FAT3: variants seen among roughly 807,000 people sequenced by gnomAD.
FAT3 encodes the protein FAT atypical cadherin 3, also known as protocadherin Fat 3.
FAT3 carries 95 observed loss-of-function variants against 310.2 expected under a neutral mutation model. The ratio of observed to expected loss-of-function variants is 0.31; its 90% confidence interval spans 0.26 to 0.36. The LOEUF is 0.36. Ranked by LOEUF, FAT3 falls within the 10% of genes least tolerant of loss-of-function variation. FAT3 has a pLI of 1.00. For synonymous variants in FAT3, 2,314 were observed against 2,192.9 expected, an observed-to-expected ratio of 1.06 and a Z score of -1.54; for missense variants, 5,408 against 5,715.6, an observed-to-expected ratio of 0.95 and a Z score of 1.74.
intron 2 of FAT3, among the ~76,000 whole-genome samples, chr11:92,390,337 G>A (rs944741128): frequency 6.6e-6 from 1 of 152,082 alleles, no homozygotes; most frequent in African/African-American, 2.4e-5. Flanking sequence ...ACTGGGCCTG[G>A]GCTAACCCAC....
chr11:92,231,903 T>G (rs1280675053), intron 1 of FAT3, among the ~76,000 whole-genome samples: 1 of 152,170 alleles, frequency 6.6e-6, no homozygotes, highest in African/African-American at 2.4e-5. Flanking sequence ...AGCTTGGTCT[T>G]TTTTGAAACC....
intron 4 of FAT3, among the ~76,000 whole-genome samples, chr11:92,726,073 ATATAAG>A (rs1193434536): frequency 5.3e-5 from 8 of 152,192 alleles, no homozygotes; most frequent in African/African-American, 1.2e-4. Context: ...TTCACAAATA[ATATAAG>A]TATATTAAAT....
intron 2 of FAT3, among the ~76,000 whole-genome samples, chr11:92,415,849 C>CTTTTTTTTTTTTTTTTTTTTTT (rs1196695394): frequency 5.0e-4 from 35 of 70,400 alleles, no homozygotes; most frequent in Non-Finnish European, 7.0e-4. Flanking sequence ...AGCATTTTTG[C>CTTTTTTTTTTTTTTTTTTTTTT]TTTTTTTTTT....
intron 3 of FAT3, among the ~76,000 whole-genome samples, chr11:92,602,261 G>A (rs369324463): frequency 6.6e-6 from 1 of 151,722 alleles, no homozygotes; most frequent in Non-Finnish European, 1.5e-5. Context: ...TTTAGTAGAA[G>A]GTTTAGGGTT....
At chr11:92,692,908 G>A (rs542464412) in intron 3 of FAT3, among the ~76,000 whole-genome samples, 6 of 152,318 alleles carry the variant, frequency 3.9e-5, no homozygotes, top group Admixed American at 3.9e-4. Context: ...TGTCATGGCA[G>A]CAGATTACAC....
At chr11:92,467,773 T>C (rs759987655) in intron 2 of FAT3, among the ~76,000 whole-genome samples, 11 of 152,172 alleles carry the variant, frequency 7.2e-5, no homozygotes, top group Non-Finnish European at 1.2e-4. Context: ...CATTTCTGTT[T>C]TTGAACATTT....
At chr11:92,770,107 G>A (rs890456845) in intron 6 of FAT3, among the ~76,000 whole-genome samples, 6 of 152,096 alleles carry the variant, frequency 3.9e-5, no homozygotes, top group African/African-American at 1.2e-4. Context: ...GGTGACCCTT[G>A]CTCCAAGTCA....
At chr11:92,803,173 G>A (rs938391505) in intron 10 of FAT3, among the ~76,000 whole-genome samples, 1 of 151,832 alleles carries the variant, frequency 6.6e-6, no homozygotes, top group African/African-American at 2.4e-5. Context: ...TTTTCTATTT[G>A]GAGAAACTGT....
intron 1 of FAT3, among the ~76,000 whole-genome samples, chr11:92,256,938 A>C (rs1865341300): frequency 6.6e-6 from 1 of 152,136 alleles, no homozygotes; most frequent in Non-Finnish European, 1.5e-5. Flanking sequence ...GCTGTTGGGA[A>C]GCTTGGATTC....
intron 3 of FAT3, among the ~76,000 whole-genome samples, chr11:92,696,622 A>T (rs906015558): frequency 6.6e-5 from 10 of 152,110 alleles, no homozygotes; most frequent in African/African-American, 2.4e-4. Context: ...CATAAATTTG[A>T]CCTCCTAATT....
At chr11:92,432,223 A>C (rs963858050) in intron 2 of FAT3, among the ~76,000 whole-genome samples, 2 of 152,076 alleles carry the variant, frequency 1.3e-5, no homozygotes, top group Non-Finnish European at 2.9e-5. Flanking sequence ...CGTCCCTTGT[A>C]AGTTGGATTC....
chr11:92,373,875 G>T (rs1046205479), intron 2 of FAT3, among the ~76,000 whole-genome samples: 2 of 151,876 alleles, frequency 1.3e-5, no homozygotes, highest in Non-Finnish European at 1.5e-5. Context: ...TGGCTCATGT[G>T]ATAATGGAGG....
chr11:92,448,179 A>G (rs141101773), intron 2 of FAT3, among the ~76,000 whole-genome samples: 128 of 152,296 alleles, frequency 8.4e-4, no homozygotes, highest in African/African-American at 2.9e-3. Context: ...AAATTAATTT[A>G]TGAAAGTGCT....
chr11:92,328,923 C>G (rs776098018), intron 1 of FAT3, among the ~76,000 whole-genome samples: 2 of 152,152 alleles, frequency 1.3e-5, no homozygotes, highest in Admixed American at 6.5e-5. Context: ...GGGTAAAGCA[C>G]TAGGCCACCA....
intron 12 of FAT3, among the ~76,000 whole-genome samples, chr11:92,806,933 G>A (rs879807757): frequency 2.0e-5 from 3 of 152,074 alleles, no homozygotes; most frequent in African/African-American, 4.8e-5. Flanking sequence ...GGAAAATGTG[G>A]GGAGGTGACG....
intron 3 of FAT3, among the ~76,000 whole-genome samples, chr11:92,578,103 T>G (rs2135523795): frequency 6.6e-6 from 1 of 152,250 alleles, no homozygotes; most frequent in Non-Finnish European, 1.5e-5. Flanking sequence ...CTCTACGTGT[T>G]GTGTTTAGAA....
At chr11:92,448,618 G>T (rs888214511) in intron 2 of FAT3, among the ~76,000 whole-genome samples, 6 of 152,152 alleles carry the variant, frequency 3.9e-5, no homozygotes, top group African/African-American at 1.4e-4. Context: ...GTTTGCTCAG[G>T]ATTCAAATAG....
chr11:92,547,064 A>G (rs557332867), intron 3 of FAT3, among the ~76,000 whole-genome samples: 1 of 152,284 alleles, frequency 6.6e-6, no homozygotes, highest in South Asian at 2.1e-4. Flanking sequence ...ACATGAGCAG[A>G]TAGGTAACAT....
chr11:92,354,533 T>G lies in FAT3; in HGVS notation c.2421T>G (p.Gly807=). 1.2e-6 allele frequency: 2 copies of G among 1,613,850 alleles called. No homozygotes were observed. Among genetic ancestry groups the G allele is most frequent in the Non-Finnish European group, 1.7e-6 (2 of 1,179,860 alleles). ...YLLNITIYDL[G]NPQKSSWRLL... ...TTAATATCACCATCTATGACTTAGG[T>G]AATCCACAGAAATCGTCATGGAGAC... Residue 807 remains glycine (G), a synonymous_variant, in exon 2 of 28, where the codon GGT becomes GGG. Transcript: ENST00000525166.
Sources: gnomAD v4.1 joint callset for allele counts (sites outside exome capture counted in the v4.1 genomes callset) on GRCh38, gnomAD v4.1.1 for gene constraint, MANE v1.5 for transcripts, NCBI Gene and HGNC (gene_info 2026-07-23, HGNC 2026-07-21) for gene names.